The following MGAT4C variants were observed in gnomAD, a reference collection of about 807,000 sequenced individuals.
The protein encoded by MGAT4C is MGAT4 family member C, also known as alpha-1,3-mannosyl-glycoprotein 4-beta-N-acetylglucosaminyltransferase C.
Under a neutral mutation model 40.1 loss-of-function variants are expected in MGAT4C, and 19 were observed. The observed-to-expected ratio is 0.47, with a 90% CI of 0.33 to 0.70. The LOEUF is 0.70. MGAT4C is among the 30% of genes least tolerant of loss of function. The pLI is 0.02. For synonymous variants in MGAT4C, 181 were observed against 187.1 expected, an observed-to-expected ratio of 0.97 and a Z score of 0.27; for missense variants, 491 against 563.2, an observed-to-expected ratio of 0.87 and a Z score of 1.30.
rs529317659 is a variant in MGAT4C, at chr12:86,226,699, T to C, written c.-57+29540A>G. Among the ~76,000 whole-genome samples, 6 of 152,076 alleles carry C rather than the reference T, an allele frequency of 3.9e-5. No individual in the cohort carries two copies. In the South Asian group the frequency reaches 6.2e-4, roughly 16 times the overall value. ...GGAATCATGTTCCTAAAACCAGTTC[T>C]CCTACTTTATGATCTGATTTCATCT... On this transcript the variant is annotated intron_variant, in intron 1 of 4. Transcript: ENST00000611864.
intron 1 of MGAT4C, among the ~76,000 whole-genome samples, chr12:86,076,802 G>A (rs1869817704): frequency 6.6e-6 from 1 of 152,160 alleles, no homozygotes; most frequent in East Asian, 1.9e-4. Context: ...AATTCTGGGA[G>A]ATACAATTCA....
chr12:86,302,375 G>A (rs995609727), intron 4 of MGAT4C, among the ~76,000 whole-genome samples: 4 of 146,074 alleles, frequency 2.7e-5, no homozygotes, highest in Admixed American at 1.4e-4. Context: ...GACAGAATAG[G>A]CAGTTGCAGG....
At chr12:86,399,101 GC>G (rs1386015143) in intron 3 of MGAT4C, among the ~76,000 whole-genome samples, 2 of 152,104 alleles carry the variant, frequency 1.3e-5, no homozygotes, top group African/African-American at 4.8e-5. Flanking sequence ...CTCCCGAGTA[GC>G]TGGGACTACA....
intron 1 of MGAT4C, among the ~76,000 whole-genome samples, chr12:86,238,491 A>C (rs1213245796): frequency 6.6e-6 from 1 of 152,040 alleles, no homozygotes; most frequent in African/African-American, 2.4e-5. Context: ...ACATGGTTTC[A>C]GGGTTAGCAG....
At chr12:86,791,594 A>G (rs1228908552) in intron 1 of MGAT4C, among the ~76,000 whole-genome samples, 1 of 152,092 alleles carries the variant, frequency 6.6e-6, no homozygotes, top group African/African-American at 2.4e-5. Flanking sequence ...CACAAATTCT[A>G]ATTTCACATA....
At chr12:86,433,249 AAC>A (rs1957075063) in intron 3 of MGAT4C, among the ~76,000 whole-genome samples, 1 of 151,834 alleles carries the variant, frequency 6.6e-6, no homozygotes, top group African/African-American at 2.4e-5. Context: ...AAAGGAAAAA[AAC>A]ACACACACAT....
intron 2 of MGAT4C, among the ~76,000 whole-genome samples, chr12:86,619,868 C>A (rs1461588814): frequency 6.6e-6 from 1 of 152,112 alleles, no homozygotes; most frequent in Non-Finnish European, 1.5e-5. Flanking sequence ...AGCTTGCAAA[C>A]TTATTAAGGG....
chr12:86,379,940 G>A (rs1224000605), intron 3 of MGAT4C, among the ~76,000 whole-genome samples: 4 of 152,038 alleles, frequency 2.6e-5, no homozygotes, highest in African/African-American at 4.8e-5. Context: ...AATTTGTGGG[G>A]ATTCATAAGT....
At chr12:86,664,497 T>C (rs1313911234) in intron 2 of MGAT4C, among the ~76,000 whole-genome samples, 1 of 152,202 alleles carries the variant, frequency 6.6e-6, no homozygotes, top group Non-Finnish European at 1.5e-5. Flanking sequence ...TGTAAATGTG[T>C]GAATATATAC....
intron 1 of MGAT4C, among the ~76,000 whole-genome samples, chr12:86,817,969 T>C (rs1291785906): frequency 1.3e-5 from 2 of 151,300 alleles, no homozygotes; most frequent in Non-Finnish European, 3.0e-5. Context: ...AACAAGACAA[T>C]ACATAAATAT....
At chr12:85,981,286 T>C (rs1884574583) in intron 4 of MGAT4C, among the ~76,000 whole-genome samples, 1 of 152,170 alleles carries the variant, frequency 6.6e-6, no homozygotes, top group Non-Finnish European at 1.5e-5. Context: ...GGTCTTTCTA[T>C]TGAAATATTT....
intron 1 of MGAT4C, among the ~76,000 whole-genome samples, chr12:86,811,298 A>AT (rs1021148585): frequency 4.2e-5 from 6 of 143,380 alleles, no homozygotes; most frequent in African/African-American, 1.5e-4. Context: ...GAACAGTTCC[A>AT]TTTTTTTCTA....
chr12:86,619,415 C>T (rs1353769004), intron 2 of MGAT4C, among the ~76,000 whole-genome samples: 1 of 152,108 alleles, frequency 6.6e-6, no homozygotes, highest in Non-Finnish European at 1.5e-5. Flanking sequence ...TCTCATACTA[C>T]ACCAGCTTGA....
At chr12:86,186,190 C>T (rs893696225) in intron 1 of MGAT4C, among the ~76,000 whole-genome samples, 3 of 152,066 alleles carry the variant, frequency 2.0e-5, no homozygotes, top group African/African-American at 7.2e-5. Context: ...AATACCATAC[C>T]TACTGTGACA....
chr12:86,178,356 A>G (rs1470693195), intron 1 of MGAT4C, among the ~76,000 whole-genome samples: 1 of 152,246 alleles, frequency 6.6e-6, no homozygotes, highest in African/African-American at 2.4e-5. Context: ...TGCATAGAGC[A>G]TATTGGCTGG....
intron 2 of MGAT4C, among the ~76,000 whole-genome samples, chr12:86,726,055 G>A (rs772903770): frequency 3.3e-5 from 5 of 152,094 alleles, no homozygotes; most frequent in Admixed American, 2.6e-4. Flanking sequence ...ACTATGGATC[G>A]TTTCCAATTG....
intron 3 of MGAT4C, among the ~76,000 whole-genome samples, chr12:86,390,118 T>C (rs1247566012): frequency 2.6e-5 from 4 of 152,140 alleles, no homozygotes; most frequent in Non-Finnish European, 4.4e-5. Context: ...ACAAGCCCGG[T>C]TGACCCACAG....
At chr12:86,544,187 T>C (rs995544021) in intron 2 of MGAT4C, among the ~76,000 whole-genome samples, 14 of 152,202 alleles carry the variant, frequency 9.2e-5, no homozygotes, top group African/African-American at 3.1e-4. Flanking sequence ...ATCTGAATTG[T>C]GTGTTTTCCA....
intron 1 of MGAT4C, among the ~76,000 whole-genome samples, chr12:86,207,751 C>A (rs1950313864): frequency 6.6e-6 from 1 of 152,054 alleles, no homozygotes; most frequent in Admixed American, 6.6e-5. Flanking sequence ...TAGATTATGT[C>A]TAATTTTTTA....
Sources: gnomAD v4.1 joint callset for allele counts (sites outside exome capture counted in the v4.1 genomes callset) on GRCh38, gnomAD v4.1.1 for gene constraint, MANE v1.5 for transcripts, NCBI Gene and HGNC (gene_info 2026-07-23, HGNC 2026-07-21) for gene names.